AHDC1: variants seen among roughly 807,000 people sequenced by gnomAD.
The protein encoded by AHDC1 is transcription factor Gibbin.
Under a neutral mutation model 87.9 loss-of-function variants are expected in AHDC1, and 7 were observed. That is an observed-to-expected ratio of 0.08 (90% CI 0.05 to 0.15). The LOEUF (loss-of-function observed/expected upper bound fraction) is 0.15, where lower values mean the gene tolerates loss of function less well. AHDC1 is among the 10% of genes least tolerant of loss of function. The probability of loss-of-function intolerance (pLI) is 1.00; values close to 1 mark genes in which losing one functional copy is unlikely to be tolerated. For missense variants in AHDC1, 1,841 were observed against 2,253.2 expected (o/e 0.82, Z 3.70); for synonymous variants, 1,051 against 1,006.8 (o/e 1.04, Z -0.83).
intron 3 of AHDC1, among the ~76,000 whole-genome samples, chr1:27,596,278 C>T (rs1421350736): frequency 6.6e-6 from 1 of 152,054 alleles, no homozygotes; most frequent in Non-Finnish European, 1.5e-5. Context: ...GATCCAAGCC[C>T]ACCCATCTGC....
rs201742929 is a variant in AHDC1 at position 27,547,871 on chromosome 1, C to T, written c.4245G>A (p.Pro1415=). 32 of 1,549,376 alleles carry T rather than the reference C, an allele frequency of 2.1e-5. No homozygotes were observed. The highest frequency in any genetic ancestry group is 4.1e-5 in the African/African-American group (3 of 73,546). ...GCTCGCAGGCAGCCAGCTTTGTGGG[C>T]GGTGGCCGCAGCTCTTCCTTGAAGC... ...TLGFKEELRP[P]PTKLAACEPL... is the part of the protein sequence containing the mutation. The change falls in exon 8 of 9, where the codon CCG becomes CCA. Residue 1415 remains proline, a synonymous_variant. Transcript: ENST00000673934. This position sits in a 1 kb window ranked among gnomAD's most constrained non-coding sequence, Gnocchi z 4.9.
intron 3 of AHDC1, among the ~76,000 whole-genome samples, chr1:27,587,870 C>G (rs979001312): frequency 6.6e-6 from 1 of 152,198 alleles, no homozygotes. Context: ...AGCTCAGGAA[C>G]TGGAACCCCA....
chr1:27,558,070 C>G lies in AHDC1; in HGVS notation c.-225+235G>C, dbSNP rs1003527148. ...TGCTCCTTTGGAAGTAGGGTGGGGT[C>G]CCCAGGCAGGCTCAGCTCTAGGGAG... On this transcript the variant is annotated intron_variant, in intron 5 of 8. Coordinates refer to ENST00000673934, the MANE Select transcript of AHDC1 (RefSeq NM_001371928.1). The surrounding 1 kb of genome is among the most constrained non-coding windows in gnomAD (Gnocchi z 5.6). 5.3e-5 allele frequency among the ~76,000 whole-genome samples: 8 copies of G among 152,208 alleles called. No individual in the cohort carries two copies. The highest frequency in any genetic ancestry group is 1.2e-4 in the Non-Finnish European group (8 of 68,028).
rs1236021936 is a variant in AHDC1, at chr1:27,595,504, T to TG, written c.-629+7892dup. Among the ~76,000 whole-genome samples, 3 of 147,898 alleles carry TG rather than the reference T, an allele frequency of 2.0e-5. No individual in the cohort carries two copies. Among genetic ancestry groups the TG allele is most frequent in the Non-Finnish European group, 4.5e-5 (3 of 66,872 alleles). Reference sequence around the variant, plus strand: ...TGTGTTGGGGTGTTTAGGGATGTATTGGGGGGTCATAAAAATGTGGGTTTT... The same window carrying TG: ...TGTGTTGGGGTGTTTAGGGATGTATTGGGGGGGTCATAAAAATGTGGGTTTT... On this transcript the variant is annotated intron_variant, in intron 3 of 8. Coordinates refer to ENST00000673934, the MANE Select transcript of AHDC1 (RefSeq NM_001371928.1). The surrounding 1 kb of genome is among the most constrained non-coding windows in gnomAD (Gnocchi z 4.0).
In AHDC1 at chr1:27,552,018, G is replaced by T. The variant is rs200727544; in HGVS notation, c.98C>A (p.Pro33His). Residue 33 changes from proline to histidine, a missense_variant, in exon 8 of 9, where the codon CCC (proline) becomes CAC (histidine). By Grantham distance (77) the Pro-to-His change is moderately conservative (BLOSUM62 -2). Around this residue, in one of 13 missense-constraint regions of AHDC1, gnomAD observed 142 missense variants for 165.6 expected, o/e 0.86. Transcript: ENST00000673934. ...GGTGGGAAGCAGGGGCCGGGGGGTG[G>T]GGGGGCCGCCGGGGTAGTACTTGGG... ...REPKYYPGGP[P>H]TPRPLLPTRP... 6 of 1,467,458 alleles carry T rather than the reference G, an allele frequency of 4.1e-6. No homozygotes were observed. In the East Asian group the frequency reaches 7.5e-5, roughly 18 times the overall value. The allele number at this position is 1,467,458 out of a possible 1,614,324, so 90.9% of individuals were successfully genotyped here. A position where few individuals can be genotyped will look rare whatever the true frequency, so the allele number is the denominator to read the frequency against.
chr1:27,568,595 G>A (rs1386118249), intron 3 of AHDC1, among the ~76,000 whole-genome samples: 3 of 152,016 alleles, frequency 2.0e-5, no homozygotes, highest in Non-Finnish European at 4.4e-5. Context: ...CGAGGGGGCG[G>A]GCCGCGCGGG....
chr1:27,541,228 A>G (rs2018902361), intron 8 of AHDC1, among the ~76,000 whole-genome samples: 1 of 152,062 alleles, frequency 6.6e-6, no homozygotes, highest in East Asian at 1.9e-4. Context: ...CCTGCTCACA[A>G]CGGTTTTAGA....
chr1:27,591,301 C>T (rs1327126781), intron 3 of AHDC1, among the ~76,000 whole-genome samples: 1 of 152,254 alleles, frequency 6.6e-6, no homozygotes, highest in Non-Finnish European at 1.5e-5. Flanking sequence ...CCTCCCCGCT[C>T]TGGCACCACA....
intron 3 of AHDC1, among the ~76,000 whole-genome samples, chr1:27,577,681 CCA>C (rs1158759602): frequency 6.6e-6 from 1 of 152,218 alleles, no homozygotes; most frequent in Non-Finnish European, 1.5e-5. Flanking sequence ...CCCCCTGTTT[CCA>C]CAGAGTCAGT....
At chr1:27,585,728 C>T (rs139227607) in intron 3 of AHDC1, among the ~76,000 whole-genome samples, 1 of 152,282 alleles carries the variant, frequency 6.6e-6, no homozygotes, top group African/African-American at 2.4e-5. Context: ...ATTTCCCGGC[C>T]TAATCAGTCT....
Position 27,562,286 on chromosome 1 carries a change from T to C in AHDC1, c.-628-3403A>G, listed in dbSNP as rs1440979243. Among the ~76,000 whole-genome samples, 2 of 152,114 alleles carry C rather than the reference T, an allele frequency of 1.3e-5. No individual in the cohort carries two copies. The highest frequency in any genetic ancestry group is 1.5e-5 in the Non-Finnish European group (1 of 68,004). ...GCCTGGGAGAGATAACAGGCCCGAATAGTGCTGACTTGCGGTTCAGAAATC... is the reference window on the plus strand; with the variant it reads ...GCCTGGGAGAGATAACAGGCCCGAACAGTGCTGACTTGCGGTTCAGAAATC... On this transcript the variant is annotated intron_variant, in intron 3 of 8. Transcript: ENST00000673934. The surrounding 1 kb of genome is among the most constrained non-coding windows in gnomAD (Gnocchi z 4.4).
chr1:27,586,224 C>A (rs1210470356), intron 3 of AHDC1, among the ~76,000 whole-genome samples: 1 of 152,208 alleles, frequency 6.6e-6, no homozygotes, highest in African/African-American at 2.4e-5. Flanking sequence ...AGGTCAGGCC[C>A]CTCATTGCCA....
intron 3 of AHDC1, among the ~76,000 whole-genome samples, chr1:27,592,735 C>T (rs1022277421): frequency 2.6e-5 from 4 of 152,208 alleles, no homozygotes; most frequent in Non-Finnish European, 4.4e-5. Context: ...GGGGCCGGAA[C>T]GCAGGAGGCC....
intron 8 of AHDC1, among the ~76,000 whole-genome samples, chr1:27,540,282 C>A (rs1054382286): frequency 1.3e-5 from 2 of 152,148 alleles, no homozygotes; most frequent in African/African-American, 2.4e-5. Flanking sequence ...TGTCCCTGCC[C>A]TTCTATTAGG....
At chr1:27,592,964 G>C (rs2089268366) in intron 3 of AHDC1, among the ~76,000 whole-genome samples, 1 of 152,156 alleles carries the variant, frequency 6.6e-6, no homozygotes, top group African/African-American at 2.4e-5. Flanking sequence ...CCAAAGGCCT[G>C]CCAGCTGGAG....
In AHDC1 at chr1:27,549,689, T is replaced by A; in HGVS notation, c.2427A>T (p.Gly809=). ...RAFASTGLES[G]ASGRGSYYST... ...TGTAGTAGCTGCCACGGCCTGAGGC[T>A]CCACTCTCCAGCCCAGTGGAGGCAA... Residue 809 remains glycine (G), a synonymous_variant, in exon 8 of 9, where the codon GGA becomes GGT. Transcript: ENST00000673934. 1 of 1,613,016 alleles carries A rather than the reference T, an allele frequency of 6.2e-7. No homozygotes were observed. The highest frequency in any genetic ancestry group is 8.5e-7 in the Non-Finnish European group (1 of 1,179,988).
At position 27,551,082 on chromosome 1, in the gene AHDC1, C is replaced by T; in HGVS notation, c.1034G>A (p.Gly345Asp). 1.3e-6 allele frequency: 2 copies of T among 1,564,548 alleles called. No individual in the cohort carries two copies. The highest frequency in any genetic ancestry group is 2.3e-5 in the South Asian group (2 of 86,408). ...DPLPKLLDVP[G>D]RRLEPQQPLG... ...GGGCTGCTGGGGCTCCAGACGGCGA[C>T]CTGGGACGTCAAGCAGCTTGGGCAG... is the stretch of plus-strand genomic sequence containing the variant. The change falls in exon 8 of 9, where the codon GGT (glycine) becomes GAT (aspartate). Residue 345 changes from glycine (G) to aspartate (D), a missense_variant. Around this residue, in one of 13 missense-constraint regions of AHDC1, gnomAD observed 370 missense variants for 391.5 expected, o/e 0.95. Transcript: ENST00000673934.
At chr1:27,537,193 C>T (rs550168285) in intron 8 of AHDC1, among the ~76,000 whole-genome samples, 1 of 152,296 alleles carries the variant, frequency 6.6e-6, no homozygotes, top group African/African-American at 2.4e-5. Context: ...GGAACCCTGA[C>T]CTCACCAGGT....
chr1:27,563,765 C>T lies in AHDC1; in HGVS notation c.-628-4882G>A, dbSNP rs1210683466. ...ACCAGGAGGGGAGGTGCTGTGGCTT[C>T]CCGCCCAGTGGCGGGTGCTGGGGGA... On this transcript the variant is annotated intron_variant, in intron 3 of 8. Transcript: ENST00000673934. The surrounding 1 kb of genome is among the most constrained non-coding windows in gnomAD (Gnocchi z 6.1). 1.3e-5 allele frequency among the ~76,000 whole-genome samples: 2 copies of T among 152,132 alleles called. No individual in the cohort carries two copies. The highest frequency in any genetic ancestry group is 2.4e-5 in the African/African-American group (1 of 41,410).
Sources: allele counts gnomAD v4.1 joint callset (sites outside exome capture counted in the v4.1 genomes callset), GRCh38; gene constraint gnomAD v4.1.1; regional missense constraint gnomAD v4.1.1; non-coding constraint Gnocchi (gnomAD v3.1); transcripts MANE v1.5; gene names NCBI Gene and HGNC (gene_info 2026-07-23, HGNC 2026-07-21).